The following PCDHGA2 variants were observed in gnomAD, a reference collection of about 807,000 sequenced individuals.
PCDHGA2 encodes the protein protocadherin gamma subfamily A, 2, also known as protocadherin gamma-A2.
PCDHGA2 carries 40 observed loss-of-function variants against 59.2 expected under a neutral mutation model. That is an observed-to-expected ratio of 0.68 (90% CI 0.52 to 0.88). PCDHGA2 has a LOEUF of 0.88. Among genes scored for constraint, PCDHGA2 ranks in the 40% least tolerant of loss-of-function variants. The pLI, the probability that PCDHGA2 is intolerant of heterozygous loss-of-function variation, is 0.00. For synonymous variants in PCDHGA2, 560 were observed against 526.0 expected, an observed-to-expected ratio of 1.06 and a Z score of -0.89; for missense variants, 1,226 against 1,204.0, an observed-to-expected ratio of 1.02 and a Z score of -0.27.
At chr5:141,448,415 T>C (rs1286455437) in intron 1 of PCDHGA2, among the ~76,000 whole-genome samples, 2 of 152,158 alleles carry the variant, frequency 1.3e-5, no homozygotes, top group African/African-American at 2.4e-5. Context: ...ATCAAAACAA[T>C]ATACTATGTA....
Position 141,505,350 on chromosome 5 carries a change from G to A in PCDHGA2, c.2484-43G>A, listed in dbSNP as rs367663588. ...AGAGGACAGGAGGGGCATGAGCTGT[G>A]CCGGCCTGGGAGTCTGTGCTCACCA... On this transcript the variant is annotated intron_variant, in intron 2 of 3. Transcript: ENST00000394576. The A allele has an allele frequency of 4.3e-6, 7 of 1,613,264 alleles. No homozygotes were observed. In the African/African-American group the frequency reaches 6.7e-5, roughly 15 times the overall value.
chr5:141,490,618 A>G lies in PCDHGA2; in HGVS notation c.2425-4189A>G, dbSNP rs1463273520. On this transcript the variant is annotated intron_variant, in intron 1 of 3. Transcript: ENST00000394576. The surrounding 1 kb of genome is among the most constrained non-coding windows in gnomAD (Gnocchi z 5.4). ...ACCCCGCTTCAACCAGCAGCTTTAC[A>G]CTGCTTACATCCTAGAAAACCGGCC... 4.3e-6 allele frequency: 7 copies of G among 1,613,986 alleles called. No homozygotes were observed. Among genetic ancestry groups the G allele is most frequent in the Admixed American group, 1.7e-5 (1 of 59,996 alleles).
intron 1 of PCDHGA2, chr5:141,419,412 G>A (rs770138290): frequency 1.9e-6 from 3 of 1,613,446 alleles, no homozygotes; most frequent in South Asian, 2.2e-5. Context: ...TTCGCGCAGC[G>A]CGCCTTCGAC....
At chr5:141,510,917 C>A in intron 3 of PCDHGA2, 30 bp from the exon 4 acceptor site, 2 of 1,613,854 alleles carry the variant, frequency 1.2e-6, no homozygotes, top group Non-Finnish European at 8.5e-7. Flanking sequence ...CTAAGTTTAG[C>A]TCCCACCTGA....
intron 1 of PCDHGA2, chr5:141,376,527 A>T: frequency 6.2e-7 from 1 of 1,613,816 alleles, no homozygotes; most frequent in South Asian, 1.1e-5. Context: ...TTTCCGCCTA[A>T]GCGGGAAGAG....
In PCDHGA2 at chr5:141,431,048, A is replaced by G; in HGVS notation, c.2425-63759A>G. The G allele has an allele frequency of 6.2e-7, 1 of 1,614,180 alleles. No homozygotes were observed. Among genetic ancestry groups the G allele is most frequent in the Non-Finnish European group, 8.5e-7 (1 of 1,180,018 alleles). The stretch of plus-strand genomic sequence containing the variant: ...CAGGATAGACCGGGAGGAGCTCTGT[A>G]TGGGGGCCATCAAGTGTCAATTAAA... On this transcript the variant is annotated intron_variant, in intron 1 of 3. Coordinates refer to ENST00000394576, the MANE Select transcript of PCDHGA2 (RefSeq NM_018915.4). This position sits in a 1 kb window ranked among gnomAD's most constrained non-coding sequence, Gnocchi z 4.8.
intron 1 of PCDHGA2, chr5:141,392,605 C>CAA: frequency 1.9e-6 from 1 of 514,610 alleles, no homozygotes; most frequent in Non-Finnish European, 3.4e-6. Context: ...TACTGGAAGA[C>CAA]AAATGCAACC....
chr5:141,350,262 T>A, intron 1 of PCDHGA2: 12 of 1,510,436 alleles, frequency 7.9e-6, no homozygotes, highest in Non-Finnish European at 1.1e-5. Flanking sequence ...GTTCCTGAAA[T>A]GCAGAGAGCC....
At chr5:141,376,952 G>T (rs1773571680) in intron 1 of PCDHGA2, 1 of 165,710 alleles carries the variant, frequency 6.0e-6, no homozygotes, top group African/African-American at 2.4e-5. Flanking sequence ...CTCCCAAAGT[G>T]CTGGGATTAC....
Position 141,340,275 on chromosome 5 carries a change from A to G in PCDHGA2, c.1304A>G (p.Asp435Gly). 1 of 1,614,144 alleles carries G rather than the reference A, an allele frequency of 6.2e-7. No individual in the cohort carries two copies. The highest frequency in any genetic ancestry group is 8.5e-7 in the Non-Finnish European group (1 of 1,180,018). ...KDGGNPSLSTDAHILLQVADI... is the reference protein window; with the variant it reads ...KDGGNPSLSTGAHILLQVADI... ...GGAGGGAACCCCTCCCTGTCCACGGATGCTCACATTTTGCTCCAGGTGGCA... is the reference window on the plus strand; with the variant it reads ...GGAGGGAACCCCTCCCTGTCCACGGGTGCTCACATTTTGCTCCAGGTGGCA... Residue 435 changes from aspartate (D) to glycine (G), a missense_variant, in exon 1 of 4, where the codon GAT becomes GGT. Coordinates refer to ENST00000394576, the MANE Select transcript of PCDHGA2 (RefSeq NM_018915.4).
chr5:141,436,051 A>G (rs2097793554), intron 1 of PCDHGA2, among the ~76,000 whole-genome samples: 1 of 152,194 alleles, frequency 6.6e-6, no homozygotes, highest in Admixed American at 6.5e-5. Flanking sequence ...ATTAGTTTTC[A>G]AATAGAATTT....
chr5:141,499,089 A>G (rs1417307590), intron 2 of PCDHGA2, among the ~76,000 whole-genome samples: 2 of 152,116 alleles, frequency 1.3e-5, no homozygotes, highest in Non-Finnish European at 1.5e-5. Context: ...CCTGCTTGGC[A>G]CATGCTTCTC....
chr5:141,495,034 A>C (rs986393420), intron 2 of PCDHGA2, 169 bp downstream of exon 2: 1 of 962,702 alleles, frequency 1.0e-6, no homozygotes, highest in Non-Finnish European at 1.2e-6. Context: ...CCCCGGAAGG[A>C]AGAGGCGACT....
intron 1 of PCDHGA2, chr5:141,372,279 G>A: frequency 6.2e-7 from 1 of 1,613,176 alleles, no homozygotes; most frequent in Middle Eastern, 1.7e-4. Context: ...GGTGCGCACG[G>A]CGCGTACCTT....
rs1182631562 is a variant in PCDHGA2 at position 141,345,356 on chromosome 5, T to C, written c.2424+3961T>C. 5.0e-6 allele frequency: 8 copies of C among 1,613,980 alleles called. No individual in the cohort carries two copies. In the Admixed American group the frequency reaches 8.3e-5, roughly 17 times the overall value. ...CCACAGAAACTCACATCACCCTGCA[T>C]GTGATTGACATCAATGACAACCCAC... On this transcript the variant is annotated intron_variant, in intron 1 of 3. Transcript: ENST00000394576.
At chr5:141,423,975 A>G in intron 1 of PCDHGA2, 2 of 1,126,024 alleles carry the variant, frequency 1.8e-6, no homozygotes, top group Non-Finnish European at 2.2e-6. Flanking sequence ...TTATCAGTGT[A>G]TGAGGCTCTC....
At position 141,338,805 on chromosome 5, in the gene PCDHGA2, C is replaced by T. The variant is rs1246451277; in HGVS notation, c.-167C>T. 2.6e-5 allele frequency: 36 copies of T among 1,370,380 alleles called. No individual in the cohort carries two copies. In the East Asian group the frequency reaches 8.5e-4, roughly 32 times the overall value. 84.9% of individuals were successfully genotyped at this position (1,370,380 alleles called of 1,614,324 possible). A position where few individuals can be genotyped will look rare whatever the true frequency, so the allele number is the denominator to read the frequency against. On this transcript the variant is annotated 5_prime_UTR_variant, in exon 1 of 4. Coordinates refer to ENST00000394576, the MANE Select transcript of PCDHGA2 (RefSeq NM_018915.4). ...ACAGCACAAGGGGGTGGAGGTTTGG[C>T]CCTAAAGCTTCAGGACACCAAAGAA...
chr5:141,352,273 C>T, intron 1 of PCDHGA2: 2 of 1,614,082 alleles, frequency 1.2e-6, no homozygotes, highest in Non-Finnish European at 1.7e-6. Flanking sequence ...TGCCAGACCT[C>T]AGCGACCGCC....
At chr5:141,437,249 T>G (rs2097870737) in intron 1 of PCDHGA2, among the ~76,000 whole-genome samples, 1 of 152,240 alleles carries the variant, frequency 6.6e-6, no homozygotes, top group African/African-American at 2.4e-5. Context: ...GGACTTTCCT[T>G]GTCTTTTTAT....
Sources: gnomAD v4.1 joint callset for allele counts (sites outside exome capture counted in the v4.1 genomes callset) on GRCh38, gnomAD v4.1.1 for gene constraint, Gnocchi (gnomAD v3.1) non-coding constraint, MANE v1.5 for transcripts, NCBI Gene and HGNC (gene_info 2026-07-23, HGNC 2026-07-21) for gene names.